NELL1: variants seen among roughly 807,000 people sequenced by gnomAD.
NELL1 encodes neural EGFL like 1.
In NELL1, 76 loss-of-function variants were observed where a neutral mutation model predicts 107.4. The ratio of observed to expected loss-of-function variants is 0.71; its 90% confidence interval spans 0.59 to 0.86. NELL1 has a LOEUF of 0.86. NELL1 is among the 40% of genes least tolerant of loss of function. The probability of loss-of-function intolerance (pLI) is 0.00; values close to 1 mark genes in which losing one functional copy is unlikely to be tolerated. For missense variants in NELL1, 1,024 were observed against 1,005.5 expected (o/e 1.02, Z -0.25); for synonymous variants, 353 against 341.2 (o/e 1.03, Z -0.38).
chr11:20,736,463 GC>G (rs1289741074), intron 2 of NELL1, among the ~76,000 whole-genome samples: 2 of 146,296 alleles, frequency 1.4e-5, no homozygotes, highest in African/African-American at 4.9e-5. Context: ...GTCAAAGCTG[GC>G]CCCTGTCATC....
chr11:20,820,008 G>A (rs768349806), intron 3 of NELL1, among the ~76,000 whole-genome samples: 4 of 152,158 alleles, frequency 2.6e-5, no homozygotes, highest in Admixed American at 6.5e-5. Flanking sequence ...GTGAGATAAG[G>A]TTCTCAATCT....
intron 3 of NELL1, among the ~76,000 whole-genome samples, chr11:20,820,252 C>A (rs1857721332): frequency 6.6e-6 from 1 of 152,138 alleles, no homozygotes; most frequent in Non-Finnish European, 1.5e-5. Flanking sequence ...GAGGCTAATC[C>A]TTCCCTGACA....
At chr11:21,182,990 C>T (rs1856860185) in intron 13 of NELL1, among the ~76,000 whole-genome samples, 1 of 151,862 alleles carries the variant, frequency 6.6e-6, no homozygotes, top group African/African-American at 2.4e-5. Context: ...CATTCTGAAG[C>T]TTTGCAGTTC....
chr11:21,087,689 T>G (rs756391539), intron 12 of NELL1, among the ~76,000 whole-genome samples: 5 of 152,130 alleles, frequency 3.3e-5, no homozygotes, highest in Non-Finnish European at 5.9e-5. Flanking sequence ...CCAGGCGAAT[T>G]GTTTCCCTTT....
At chr11:21,169,793 C>T (rs1031507369) in intron 13 of NELL1, 31 of 1,353,020 alleles carry the variant, frequency 2.3e-5, no homozygotes, top group South Asian at 5.1e-5. Flanking sequence ...GCCGGGCACC[C>T]GGAGAGTGGG....
chr11:21,291,673 C>T (rs564521358), intron 14 of NELL1, among the ~76,000 whole-genome samples: 121 of 152,232 alleles, frequency 7.9e-4, no homozygotes, highest in African/African-American at 2.9e-3. Context: ...TGCAGAAATC[C>T]TCAGTAAAAT....
chr11:21,280,895 C>T (rs529275778), intron 14 of NELL1, among the ~76,000 whole-genome samples: 1 of 152,086 alleles, frequency 6.6e-6, no homozygotes, highest in Non-Finnish European at 1.5e-5. Context: ...GGGATTACAA[C>T]TCCTAGGCAT....
intron 14 of NELL1, among the ~76,000 whole-genome samples, chr11:21,319,583 C>A (rs1295842720): frequency 6.6e-6 from 1 of 150,936 alleles, no homozygotes; most frequent in Non-Finnish European, 1.5e-5. Context: ...CTCAAGTGAT[C>A]TGCCCGCCTC....
chr11:21,070,353 G>C (rs1853981205), intron 12 of NELL1, among the ~76,000 whole-genome samples: 1 of 152,102 alleles, frequency 6.6e-6, no homozygotes, highest in Non-Finnish European at 1.5e-5. Flanking sequence ...AGTAGACTTG[G>C]TGTTTGAGGA....
chr11:21,125,937 C>T (rs537904166), intron 13 of NELL1, among the ~76,000 whole-genome samples: 44 of 152,194 alleles, frequency 2.9e-4, no homozygotes, highest in Non-Finnish European at 5.0e-4. Flanking sequence ...GAGAAATGGG[C>T]ACATCTTCCT....
In NELL1 at chr11:21,435,796, T is replaced by TTGTGTGTGTGTGTATGTGTGTCCA. The variant is rs1554911562; in HGVS notation, c.1645+64852_1645+64875dup. 2.9e-3 allele frequency among the ~76,000 whole-genome samples: 445 copies of TTGTGTGTGTGTGTATGTGTGTCCA among 151,224 alleles called. 2 individuals carry two copies. The highest frequency in any genetic ancestry group is 0.01 in the African/African-American group (420 of 41,264). On this transcript the variant is annotated intron_variant, in intron 15 of 19. Coordinates refer to ENST00000357134, the MANE Select transcript of NELL1 (RefSeq NM_006157.5). Reference sequence around the variant, plus strand: ...GTCTGTACTTTGTGTGTGTGTGTGTTTGTGTGTGTGTGTATGTGTGTCCAT... The same window carrying TTGTGTGTGTGTGTATGTGTGTCCA: ...GTCTGTACTTTGTGTGTGTGTGTGTTTGTGTGTGTGTGTATGTGTGTCCATGTGTGTGTGTGTATGTGTGTCCAT...
At chr11:20,936,600 A>G (rs889595160) in intron 9 of NELL1, among the ~76,000 whole-genome samples, 1 of 152,146 alleles carries the variant, frequency 6.6e-6, no homozygotes, top group Non-Finnish European at 1.5e-5. Context: ...CAAACACAGC[A>G]CTTGCCTCAC....
intron 12 of NELL1, among the ~76,000 whole-genome samples, chr11:21,045,828 A>C (rs1853340866): frequency 6.6e-6 from 1 of 152,188 alleles, no homozygotes; most frequent in African/African-American, 2.4e-5. Context: ...TCTTTAGTTT[A>C]GTCATAAATG....
intron 13 of NELL1, among the ~76,000 whole-genome samples, chr11:21,175,245 G>A (rs1856687639): frequency 6.6e-6 from 1 of 151,692 alleles, no homozygotes; most frequent in Non-Finnish European, 1.5e-5. Flanking sequence ...CAATAGATGG[G>A]ATCTTCTTGT....
Position 21,010,139 on chromosome 11 carries a change from A to G in NELL1, c.1300+49579A>G, listed in dbSNP as rs77361932. 1.7e-3 allele frequency among the ~76,000 whole-genome samples: 258 copies of G among 152,172 alleles called. 1 individual carries two copies. Among genetic ancestry groups the G allele is most frequent in the African/African-American group, 6.1e-3 (252 of 41,548 alleles). ...GAGCATTGTTTAATTCATATAATTCATGTATTAATATGATATGTGTTACAT... is the reference window on the plus strand; with the variant it reads ...GAGCATTGTTTAATTCATATAATTCGTGTATTAATATGATATGTGTTACAT... On this transcript the variant is annotated intron_variant, in intron 12 of 19. Transcript: ENST00000357134.
At chr11:20,955,469 G>A (rs1851151886) in intron 11 of NELL1, among the ~76,000 whole-genome samples, 2 of 152,162 alleles carry the variant, frequency 1.3e-5, no homozygotes, top group Admixed American at 6.5e-5. Context: ...TAGAACCCTG[G>A]CATTTCCACT....
rs180929101 is a variant in NELL1 at position 21,353,526 on chromosome 11, A to C, written c.1550-17327A>C. 5.9e-5 allele frequency among the ~76,000 whole-genome samples: 9 copies of C among 152,268 alleles called. No individual in the cohort carries two copies. The East Asian group carries it at 1.7e-3, about 29-fold the overall frequency. ...TGAGGGATTTGAGCTTAAACCTTTC[A>C]AAAATAACATTAGCACAAGAACAAG... is the stretch of plus-strand genomic sequence containing the variant. On this transcript the variant is annotated intron_variant, in intron 14 of 19. Coordinates refer to ENST00000357134, the MANE Select transcript of NELL1 (RefSeq NM_006157.5).
At chr11:20,839,886 C>T (rs918456654) in intron 3 of NELL1, among the ~76,000 whole-genome samples, 11 of 152,166 alleles carry the variant, frequency 7.2e-5, no homozygotes, top group Non-Finnish European at 1.3e-4. Context: ...GCTCTGTAGC[C>T]TTAAAGGGCA....
At chr11:20,704,850 C>T (rs1854898724) in intron 2 of NELL1, among the ~76,000 whole-genome samples, 1 of 152,172 alleles carries the variant, frequency 6.6e-6, no homozygotes, top group Non-Finnish European at 1.5e-5. Context: ...AATTCACAGA[C>T]ATTCTTATAC....
Sources: gnomAD v4.1 joint callset for allele counts (sites outside exome capture counted in the v4.1 genomes callset) on GRCh38, gnomAD v4.1.1 for gene constraint, MANE v1.5 for transcripts, NCBI Gene and HGNC (gene_info 2026-07-23, HGNC 2026-07-21) for gene names.